Variants in WWP2 observed in about 807,000 individuals in gnomAD.
WWP2 encodes the protein NEDD4-like E3 ubiquitin-protein ligase WWP2.
A neutral mutation model predicts 121.0 loss-of-function variants in WWP2; 57 were observed. The observed-to-expected ratio is 0.47, with a 90% CI of 0.38 to 0.59. The LOEUF (loss-of-function observed/expected upper bound fraction) is 0.59. WWP2 is among the 20% of genes least tolerant of loss of function. The probability of loss-of-function intolerance (pLI) is 0.00; values close to 1 mark genes in which losing one functional copy is unlikely to be tolerated. For synonymous variants in WWP2, 449 were observed against 441.3 expected (o/e 1.02, Z -0.22); for missense variants, 962 against 1,158.9 (o/e 0.83, Z 2.47).
intron 7 of WWP2, among the ~76,000 whole-genome samples, chr16:69,887,251 A>G (rs548929126): frequency 6.6e-6 from 1 of 152,236 alleles, no homozygotes; most frequent in Admixed American, 6.5e-5. Context: ...GAGCCTTTAC[A>G]AGAATGAGCA....
Position 69,937,250 on chromosome 16 carries a change from A to C in WWP2, c.2238+12A>C, listed in dbSNP as rs1407383149. Reference sequence around the variant, plus strand: ...AGAAAGAGCTGGAGGTGAGTGTCTGAGGTTGCTGGGACCCTGAGCCCCTGC... The same window carrying C: ...AGAAAGAGCTGGAGGTGAGTGTCTGCGGTTGCTGGGACCCTGAGCCCCTGC... On this transcript the variant is annotated intron_variant, in intron 20 of 23. Transcript: ENST00000359154. This position sits in a 1 kb window ranked among gnomAD's most constrained non-coding sequence, Gnocchi z 6.6. The C allele has an allele frequency of 6.2e-7, 1 of 1,612,578 alleles. No individual in the cohort carries two copies. The highest frequency in any genetic ancestry group is 1.3e-5 in the African/African-American group (1 of 74,656).
At chr16:69,889,950 T>C (rs1004946500) in intron 8 of WWP2, among the ~76,000 whole-genome samples, 4 of 152,116 alleles carry the variant, frequency 2.6e-5, no homozygotes, top group Non-Finnish European at 4.4e-5. Flanking sequence ...ATTAAGCCAC[T>C]TTCATTGTTG....
At chr16:69,890,739 G>A (rs774266822) in intron 8 of WWP2, 1 of 152,222 alleles carries the variant, frequency 6.6e-6, no homozygotes, top group Non-Finnish European at 1.5e-5. Context: ...TGTTCTCGGG[G>A]ATTGGGCACT....
intron 4 of WWP2, among the ~76,000 whole-genome samples, chr16:69,802,223 G>A (rs919945529): frequency 5.3e-5 from 8 of 152,030 alleles, no homozygotes; most frequent in African/African-American, 9.7e-5. Context: ...CACCGTGCCT[G>A]GCCTATATTT....
chr16:69,926,828 G>C (rs944485543), intron 11 of WWP2, among the ~76,000 whole-genome samples: 4 of 152,204 alleles, frequency 2.6e-5, no homozygotes, highest in Non-Finnish European at 4.4e-5. Flanking sequence ...TGCGTCGTCA[G>C]TAGGCAGGGG....
intron 4 of WWP2, among the ~76,000 whole-genome samples, chr16:69,806,953 T>TATTTATTCATTC (rs770245519): frequency 2.1e-5 from 3 of 146,062 alleles, no homozygotes; most frequent in African/African-American, 7.7e-5. Context: ...TTTATTTATT[T>TATTTATTCATTC]ATTCATTCAT....
At chr16:69,911,536 A>G (rs1045525669) in intron 9 of WWP2, among the ~76,000 whole-genome samples, 2 of 152,144 alleles carry the variant, frequency 1.3e-5, no homozygotes, top group African/African-American at 4.8e-5. Context: ...AAGAAGTCCA[A>G]GTGTGCCCGG....
intron 1 of WWP2, among the ~76,000 whole-genome samples, chr16:69,784,122 G>A (rs1340890582): frequency 4.5e-5 from 6 of 132,758 alleles, no homozygotes; most frequent in Non-Finnish European, 6.2e-5. Context: ...TTTTTGAGAC[G>A]GAGTCTTGCT....
intron 8 of WWP2, among the ~76,000 whole-genome samples, chr16:69,892,336 C>G (rs1380280093): frequency 6.6e-6 from 1 of 151,838 alleles, no homozygotes; most frequent in East Asian, 1.9e-4. Flanking sequence ...TGCTATCCCT[C>G]CCCTAGCCCC....
chr16:69,930,828 C>T (rs1567440562), intron 13 of WWP2, among the ~76,000 whole-genome samples: 1 of 152,206 alleles, frequency 6.6e-6, no homozygotes, highest in Admixed American at 6.5e-5. Context: ...GCCATGATCA[C>T]ACCACTGCAC....
At chr16:69,880,315 G>T (rs995480991) in intron 7 of WWP2, among the ~76,000 whole-genome samples, 2 of 151,800 alleles carry the variant, frequency 1.3e-5, no homozygotes, top group African/African-American at 4.8e-5. Context: ...CTTACATACA[G>T]TGAGAATTTG....
chr16:69,850,244 G>A (rs6499262), intron 6 of WWP2, among the ~76,000 whole-genome samples: 7,862 of 151,994 alleles, frequency 0.052, 710 homozygotes, highest in African/African-American at 0.18. Flanking sequence ...AAAATTAGCC[G>A]GGCGTGGTGG....
intron 4 of WWP2, among the ~76,000 whole-genome samples, chr16:69,807,320 C>A (rs1033261246): frequency 6.6e-6 from 1 of 152,118 alleles, no homozygotes; most frequent in African/African-American, 2.4e-5. Context: ...CAGGCGTGAG[C>A]CACCGTGCCT....
rs2058691745 is a variant in WWP2 at position 69,930,131 on chromosome 16, A to G, written c.1318A>G (p.Met440Val). Residue 440 changes from methionine to valine, a missense_variant and splice_region_variant, in exon 13 of 24, where the codon ATG becomes GTG. Coordinates refer to ENST00000359154, the MANE Select transcript of WWP2 (RefSeq NM_001270454.2). The part of the protein sequence containing the change: ...TQWEDPRTQG[M>V]IQEPALPPGW... ...ACCCTTTTCTTCCCGTGTTTCCAGG[A>G]TGATCCAGGAACCAGCTCTGCCCCC... The G allele has an allele frequency of 1.2e-6, 2 of 1,613,852 alleles. No individual in the cohort carries two copies. The highest frequency in any genetic ancestry group is 2.7e-5 in the African/African-American group (2 of 74,920).
chr16:69,891,760 A>G (rs935968156), intron 8 of WWP2, among the ~76,000 whole-genome samples: 2 of 152,120 alleles, frequency 1.3e-5, no homozygotes, highest in African/African-American at 4.8e-5. Context: ...GGACAGTTCC[A>G]TGTAGCTATC....
chr16:69,791,746 C>T (rs553339096), intron 2 of WWP2, among the ~76,000 whole-genome samples: 1 of 152,170 alleles, frequency 6.6e-6, no homozygotes, highest in African/African-American at 2.4e-5. Context: ...TTTCAAACTC[C>T]TGGACTCAAG....
intron 6 of WWP2, among the ~76,000 whole-genome samples, chr16:69,864,410 T>A (rs2057481231): frequency 6.6e-6 from 1 of 152,224 alleles, no homozygotes; most frequent in Admixed American, 6.5e-5. Flanking sequence ...TCAGTTTGCA[T>A]GCCAAGCATA....
chr16:69,867,531 C>T (rs1331333698), intron 6 of WWP2, among the ~76,000 whole-genome samples: 2 of 152,134 alleles, frequency 1.3e-5, no homozygotes, highest in African/African-American at 4.8e-5. Context: ...GGATGGAGGC[C>T]AGGGCTTTGA....
In WWP2 at chr16:69,922,938, A is replaced by G. The variant is rs184311709; in HGVS notation, c.1180-2492A>G. Among the ~76,000 whole-genome samples, 401 of 151,294 alleles carry G rather than the reference A, an allele frequency of 2.7e-3. 8 individuals carry two copies. The highest frequency in any genetic ancestry group is 9.0e-3 in the African/African-American group (370 of 41,208). On this transcript the variant is annotated intron_variant, in intron 10 of 23. Transcript: ENST00000359154. ...GGAGTCTCGCTCTGTTGCCCAGGTTAGAGTGCAGTGGCGCAATCTCGGCTC... is the reference window on the plus strand; with the variant it reads ...GGAGTCTCGCTCTGTTGCCCAGGTTGGAGTGCAGTGGCGCAATCTCGGCTC...
Sources: allele counts gnomAD v4.1 joint callset (sites outside exome capture counted in the v4.1 genomes callset), GRCh38; gene constraint gnomAD v4.1.1; non-coding constraint Gnocchi (gnomAD v3.1); transcripts MANE v1.5; gene names NCBI Gene and HGNC (gene_info 2026-07-23, HGNC 2026-07-21).